COL4A4: variants seen among roughly 807,000 people sequenced by gnomAD.
COL4A4 encodes collagen alpha-4(IV) chain.
Under a neutral mutation model 192.9 loss-of-function variants are expected in COL4A4, and 105 were observed. That is an observed-to-expected ratio of 0.54 (90% CI 0.46 to 0.64). The LOEUF (loss-of-function observed/expected upper bound fraction) is 0.64. Ranked by LOEUF, COL4A4 falls within the 30% of genes least tolerant of loss-of-function variation. The pLI is 0.00. For synonymous variants in COL4A4, 762 were observed against 769.9 expected (o/e 0.99, Z 0.17); for missense variants, 1,967 against 2,169.3 (o/e 0.91, Z 1.85).
intron 1 of COL4A4, among the ~76,000 whole-genome samples, chr2:227,157,889 T>G (rs897175986): frequency 6.6e-6 from 1 of 151,812 alleles, no homozygotes; most frequent in Non-Finnish European, 1.5e-5. Context: ...AAAAAGAGAG[T>G]GCTGGCCAAC....
intron 4 of COL4A4, 149 bp from the exon 5 acceptor site, chr2:227,121,297 C>T (rs772922703): frequency 1.1e-6 from 1 of 937,124 alleles, no homozygotes; most frequent in Non-Finnish European, 1.6e-6. Flanking sequence ...GATGGTGGCT[C>T]ACACCTGTAA....
intron 19 of COL4A4, among the ~76,000 whole-genome samples, chr2:227,097,182 C>G (rs2060248272): frequency 6.6e-6 from 1 of 152,170 alleles, no homozygotes; most frequent in Non-Finnish European, 1.5e-5. Flanking sequence ...GCTTAACCAC[C>G]TGCCAACAGG....
At chr2:227,035,790 C>T (rs1331345708) in intron 37 of COL4A4, among the ~76,000 whole-genome samples, 1 of 152,090 alleles carries the variant, frequency 6.6e-6, no homozygotes, top group Non-Finnish European at 1.5e-5. Flanking sequence ...CTTTAGTCAC[C>T]AAGATTGATG....
intron 4 of COL4A4, among the ~76,000 whole-genome samples, chr2:227,134,128 T>A (rs2062663701): frequency 6.6e-6 from 1 of 151,848 alleles, no homozygotes; most frequent in African/African-American, 2.4e-5. Context: ...AGGCACTGGG[T>A]TTTTTAAAAA....
At chr2:227,137,286 C>A (rs977619505) in intron 4 of COL4A4, among the ~76,000 whole-genome samples, 2 of 152,154 alleles carry the variant, frequency 1.3e-5, no homozygotes, top group Admixed American at 1.3e-4. Flanking sequence ...CAAGGAAACC[C>A]AGGCTTGGTC....
chr2:227,058,892 T>C (rs1279436092), intron 28 of COL4A4, among the ~76,000 whole-genome samples: 1 of 138,032 alleles, frequency 7.2e-6, no homozygotes, highest in East Asian at 2.0e-4. Context: ...CAGGCCATCT[T>C]CCTCTCTTGC....
chr2:227,020,671 A>AG (rs11391009), intron 44 of COL4A4, among the ~76,000 whole-genome samples: 2,764 of 151,874 alleles, frequency 0.018, 68 homozygotes, highest in African/African-American at 0.064. Flanking sequence ...TGGGGCAGTG[A>AG]GGGGGGGTGA....
chr2:227,024,343 T>C (rs1966603958), intron 43 of COL4A4, among the ~76,000 whole-genome samples: 1 of 152,120 alleles, frequency 6.6e-6, no homozygotes, highest in African/African-American at 2.4e-5. Context: ...AAGCCCCATC[T>C]CTACTAAAAT....
intron 34 of COL4A4, among the ~76,000 whole-genome samples, chr2:227,048,495 C>T (rs1973369352): frequency 6.6e-6 from 1 of 152,120 alleles, no homozygotes; most frequent in Non-Finnish European, 1.5e-5. Flanking sequence ...CCAACATATC[C>T]AGAAATATCC....
In COL4A4 at chr2:227,052,410, C is replaced by A; in HGVS notation, c.2863G>T (p.Ala955Ser). 6.4e-7 allele frequency: 1 copy of A among 1,555,202 alleles called. No homozygotes were observed. Among genetic ancestry groups the A allele is most frequent in the Non-Finnish European group, 8.9e-7 (1 of 1,126,454 alleles). The part of the protein sequence containing the change: ...GDRGLRGAKG[A>S]IGPPGDEGEM... ...CCTTCATCTCCGGGAGGTCCTATGG[C>A]TCCTATGGATATTAATTATGCAAGA... Residue 955 changes from alanine (A) to serine (S), a missense_variant and splice_region_variant, in exon 32 of 48, where the codon GCC becomes TCC. Coordinates refer to ENST00000396625, the MANE Select transcript of COL4A4 (RefSeq NM_000092.5).
the COL4A4 span, among the ~76,000 whole-genome samples, chr2:226,990,553 T>A: frequency 6.6e-6 from 1 of 152,190 alleles, no homozygotes; most frequent in South Asian, 2.1e-4. Context: ...TCTATTTACA[T>A]GGATGGCGAA....
intron 37 of COL4A4, among the ~76,000 whole-genome samples, chr2:227,041,688 C>CAGAG (rs569887036): frequency 1.0e-5 from 1 of 100,490 alleles, no homozygotes; most frequent in East Asian, 2.8e-4. Flanking sequence ...GAAAGAAAGA[C>CAGAG]AGAGAGAGAG....
chr2:227,140,136 C>G, intron 4 of COL4A4, 25 bp downstream of exon 4: 2 of 1,591,784 alleles, frequency 1.3e-6, no homozygotes, highest in Non-Finnish European at 1.7e-6. Context: ...GGAATGCTGC[C>G]CATGTTGGTC....
chr2:227,127,313 T>C (rs1163690106), intron 4 of COL4A4, among the ~76,000 whole-genome samples: 1 of 152,164 alleles, frequency 6.6e-6, no homozygotes. Context: ...ATCATCTCTT[T>C]CTTTCTTTCT....
downstream of COL4A4, chr2:226,997,821 A>G (rs1280586995): frequency 6.6e-6 from 1 of 152,212 alleles, no homozygotes; most frequent in Non-Finnish European, 1.5e-5. Context: ...TTAGCACAAC[A>G]ATAAAGATGT....
intron 37 of COL4A4, among the ~76,000 whole-genome samples, chr2:227,036,784 A>T (rs1969768324): frequency 6.6e-6 from 1 of 152,092 alleles, no homozygotes; most frequent in African/African-American, 2.4e-5. Flanking sequence ...GGGGAAGGGC[A>T]GGAGGAGAGT....
intron 29 of COL4A4, among the ~76,000 whole-genome samples, chr2:227,057,131 CA>C (rs1975577773): frequency 6.6e-6 from 1 of 152,158 alleles, no homozygotes; most frequent in South Asian, 2.1e-4. Flanking sequence ...AATGATATAG[CA>C]CTTTCCTCAA....
chr2:227,052,385 C>T lies in COL4A4; in HGVS notation c.2888G>A (p.Gly963Glu), dbSNP rs1396467090. The T allele has an allele frequency of 7.4e-6, 12 of 1,612,370 alleles. No homozygotes were observed. Among genetic ancestry groups the T allele is most frequent in the Admixed American group, 1.7e-5 (1 of 59,988 alleles). Residue 963 changes from glycine (G) to glutamate (E), a missense_variant, in exon 32 of 48, where the codon GGA (glycine) becomes GAA (glutamate). By Grantham distance (98) the Gly-to-Glu change is moderately conservative. Coordinates refer to ENST00000396625, the MANE Select transcript of COL4A4 (RefSeq NM_000092.5). ...KGAIGPPGDE[G>E]EMAIISQKGT... ...CTTTTGTGAAATGATAGCCATTTCTCCTTCATCTCCGGGAGGTCCTATGGC... is the reference window on the plus strand; with the variant it reads ...CTTTTGTGAAATGATAGCCATTTCTTCTTCATCTCCGGGAGGTCCTATGGC...
At chr2:227,134,874 G>A (rs1389771693) in intron 4 of COL4A4, among the ~76,000 whole-genome samples, 1 of 152,154 alleles carries the variant, frequency 6.6e-6, no homozygotes, top group Non-Finnish European at 1.5e-5. Flanking sequence ...TTTTGCAATT[G>A]TTATACTCCC....
Sources: gnomAD v4.1 joint callset for allele counts (sites outside exome capture counted in the v4.1 genomes callset) on GRCh38, gnomAD v4.1.1 for gene constraint, MANE v1.5 for transcripts, NCBI Gene and HGNC (gene_info 2026-07-23, HGNC 2026-07-21) for gene names.